MAGI1: variants seen among roughly 807,000 people sequenced by gnomAD.
MAGI1 encodes the protein membrane-associated guanylate kinase, WW and PDZ domain-containing protein 1.
Under a neutral mutation model 139.9 loss-of-function variants are expected in MAGI1, and 58 were observed. That is an observed-to-expected ratio of 0.41 (90% confidence interval 0.34 to 0.52). MAGI1 has a LOEUF of 0.52. Ranked by LOEUF, MAGI1 falls within the 20% of genes least tolerant of loss-of-function variation. MAGI1 has a pLI of 0.12. For missense variants in MAGI1, 1,874 were observed against 1,901.6 expected, an observed-to-expected ratio of 0.99 and a Z score of 0.27; for synonymous variants, 812 against 737.9, an observed-to-expected ratio of 1.10 and a Z score of -1.63.
At chr3:65,596,049 C>T (rs1307059547) in intron 2 of MAGI1, among the ~76,000 whole-genome samples, 1 of 152,126 alleles carries the variant, frequency 6.6e-6, no homozygotes, top group African/African-American at 2.4e-5. Flanking sequence ...TGCGCCTTGT[C>T]GACGAGTTTC....
At chr3:65,409,471 C>G (rs1449651170) in intron 12 of MAGI1, among the ~76,000 whole-genome samples, 1 of 152,072 alleles carries the variant, frequency 6.6e-6, no homozygotes, top group African/African-American at 2.4e-5. Context: ...ATAAGCTTTT[C>G]TTGTTGTTGT....
At chr3:65,357,582 A>T (rs978597379) in intron 22 of MAGI1, among the ~76,000 whole-genome samples, 5 of 145,904 alleles carry the variant, frequency 3.4e-5, no homozygotes, top group African/African-American at 1.3e-4. Context: ...TGATTTACTT[A>T]AAAATAATTT....
intron 1 of MAGI1, among the ~76,000 whole-genome samples, chr3:65,890,139 C>T (rs991911760): frequency 1.3e-5 from 2 of 149,894 alleles, no homozygotes; most frequent in Non-Finnish European, 2.9e-5. Flanking sequence ...GCCGAGTGGA[C>T]GGATCACGAG....
At chr3:65,375,616 A>G (rs1216807180) in intron 18 of MAGI1, 129 bp downstream of exon 18, 4 of 784,750 alleles carry the variant, frequency 5.1e-6, no homozygotes, top group Non-Finnish European at 8.2e-6. Flanking sequence ...GGATGAATAA[A>G]GCTGCCACTA....
chr3:65,517,851 C>T (rs1460631660), intron 2 of MAGI1, among the ~76,000 whole-genome samples: 1 of 152,192 alleles, frequency 6.6e-6, no homozygotes, highest in African/African-American at 2.4e-5. Context: ...AGCTCTCTTT[C>T]TGCTTTTTCA....
At chr3:65,841,164 T>C (rs1488056158) in intron 1 of MAGI1, among the ~76,000 whole-genome samples, 14 of 152,260 alleles carry the variant, frequency 9.2e-5, no homozygotes, top group Admixed American at 8.5e-4. Context: ...ATAATTTGTA[T>C]CTTTTTTTCT....
intron 1 of MAGI1, among the ~76,000 whole-genome samples, chr3:66,007,203 T>C (rs1347343111): frequency 2.6e-5 from 4 of 152,172 alleles, no homozygotes; most frequent in African/African-American, 7.2e-5. Flanking sequence ...ACAGTGCAGA[T>C]GCTGGGTCCC....
At chr3:65,867,695 G>C (rs2059778828) in intron 1 of MAGI1, among the ~76,000 whole-genome samples, 1 of 152,184 alleles carries the variant, frequency 6.6e-6, no homozygotes, top group Non-Finnish European at 1.5e-5. Context: ...CAAGGCTGCA[G>C]TGAGCCATGA....
chr3:65,736,586 C>T (rs2034756535), intron 1 of MAGI1, among the ~76,000 whole-genome samples: 1 of 152,156 alleles, frequency 6.6e-6, no homozygotes, highest in Non-Finnish European at 1.5e-5. Flanking sequence ...AAGGGCAGCA[C>T]TGGTATAAAT....
intron 1 of MAGI1, among the ~76,000 whole-genome samples, chr3:65,905,652 TAA>T (rs2061408013): frequency 1.3e-5 from 2 of 152,178 alleles, no homozygotes; most frequent in African/African-American, 4.8e-5. Flanking sequence ...TTCTAAATTC[TAA>T]GTCTCAATTT....
chr3:65,454,781 A>G lies in MAGI1; in HGVS notation c.960-1441T>C, dbSNP rs562664462. Among the ~76,000 whole-genome samples the G allele has an allele frequency of 5.3e-5, 8 of 151,626 alleles. No homozygotes were observed. The East Asian group carries it at 1.5e-3, about 29-fold the overall frequency. ...CAGAATCTGCGAATGTATACACGTC[A>G]TATCAACTGTGTTAAAATAAAAATA... On this transcript the variant is annotated intron_variant, in intron 5 of 22. Transcript: ENST00000402939.
At chr3:65,692,179 T>C (rs1279831659) in intron 1 of MAGI1, among the ~76,000 whole-genome samples, 1 of 152,100 alleles carries the variant, frequency 6.6e-6, no homozygotes, top group Non-Finnish European at 1.5e-5. Context: ...GACACAGAAC[T>C]CAAGGAATAA....
At chr3:65,918,803 T>C (rs1220691196) in intron 1 of MAGI1, among the ~76,000 whole-genome samples, 10 of 152,186 alleles carry the variant, frequency 6.6e-5, no homozygotes. Context: ...TAAAATGCTC[T>C]TCTCTTCAAA....
chr3:65,501,453 CA>C lies in MAGI1; in HGVS notation c.431-7823del, dbSNP rs35967662. 9.9e-3 allele frequency among the ~76,000 whole-genome samples: 802 copies of C among 80,616 alleles called. 7 individuals are homozygous for C. The highest frequency in any genetic ancestry group is 0.04 in the African/African-American group (755 of 18,878). 52.9% of individuals were successfully genotyped at this position (80,616 alleles called of 152,430 possible). On this transcript the variant is annotated intron_variant, in intron 2 of 22. Coordinates refer to ENST00000402939, the MANE Select transcript of MAGI1 (RefSeq NM_001033057.2). ...TGGGCAACATAGCGAGACTCTGTCT[CA>C]AAAAAAAAAAAAAAAAAAAAATTTA...
At chr3:66,004,703 C>T (rs1299352314) in intron 1 of MAGI1, among the ~76,000 whole-genome samples, 1 of 152,188 alleles carries the variant, frequency 6.6e-6, no homozygotes, top group Non-Finnish European at 1.5e-5. Flanking sequence ...GAAAAAAATG[C>T]AATCTGCCAT....
chr3:65,685,670 C>G (rs918200632), intron 1 of MAGI1, among the ~76,000 whole-genome samples: 1 of 152,086 alleles, frequency 6.6e-6, no homozygotes. Context: ...CTACATATTG[C>G]TATTTTCATT....
At chr3:65,372,816 T>C (rs760432204) in intron 18 of MAGI1, among the ~76,000 whole-genome samples, 1 of 152,240 alleles carries the variant, frequency 6.6e-6, no homozygotes, top group Non-Finnish European at 1.5e-5. Flanking sequence ...CACCAACCTC[T>C]GCTAGCTTCA....
chr3:65,927,514 T>C lies in MAGI1; in HGVS notation c.313+110482A>G, dbSNP rs374899891. ...ACAGGTGGTCCCACACTGGAAAACA[T>C]TGCTTCAAGCAGCATTAACAACTAA... On this transcript the variant is annotated intron_variant, in intron 1 of 22. Coordinates refer to ENST00000402939, the MANE Select transcript of MAGI1 (RefSeq NM_001033057.2). Among the ~76,000 whole-genome samples the C allele has an allele frequency of 2.5e-4, 38 of 152,282 alleles. No homozygotes were observed. In the East Asian group the frequency reaches 3.3e-3, roughly 13 times the overall value.
chr3:65,507,095 G>A (rs370672604), intron 2 of MAGI1, among the ~76,000 whole-genome samples: 1 of 152,190 alleles, frequency 6.6e-6, no homozygotes, highest in Non-Finnish European at 1.5e-5. Flanking sequence ...AAATAAAGAA[G>A]AATTGGGTAC....
Sources: gnomAD v4.1 joint callset for allele counts (sites outside exome capture counted in the v4.1 genomes callset) on GRCh38, gnomAD v4.1.1 for gene constraint, MANE v1.5 for transcripts, NCBI Gene and HGNC (gene_info 2026-07-23, HGNC 2026-07-21) for gene names.